Variants in TEAD1 observed in about 807,000 individuals in gnomAD.
TEAD1 encodes the protein TEA domain transcription factor 1.
A neutral mutation model predicts 54.9 loss-of-function variants in TEAD1; 9 were observed. The ratio of observed to expected loss-of-function variants is 0.16; its 90% CI spans 0.10 to 0.29. The LOEUF is 0.29. TEAD1 is among the 10% of genes least tolerant of loss of function. The pLI is 1.00. For missense variants in TEAD1, 387 were observed against 535.9 expected (o/e 0.72, Z 2.74); for synonymous variants, 200 against 187.8 (o/e 1.07, Z -0.53).
intron 9 of TEAD1, among the ~76,000 whole-genome samples, chr11:12,900,013 CAACT>C (rs1362059592): frequency 6.6e-6 from 1 of 152,156 alleles, no homozygotes; most frequent in Non-Finnish European, 1.5e-5. Context: ...GTTTTGTGAC[CAACT>C]GAGTTTGAGA....
intron 3 of TEAD1, among the ~76,000 whole-genome samples, chr11:12,777,891 A>G (rs921433060): frequency 3.9e-5 from 6 of 152,212 alleles, no homozygotes; most frequent in Non-Finnish European, 8.8e-5. Context: ...TGGGTTGAAC[A>G]TACGCATTGT....
At chr11:12,885,968 A>C (rs1948079628) in intron 9 of TEAD1, among the ~76,000 whole-genome samples, 1 of 152,230 alleles carries the variant, frequency 6.6e-6, no homozygotes. Flanking sequence ...GGAGACAGAC[A>C]CGAAACAGAT....
At chr11:12,835,462 A>G (rs1946867445) in intron 3 of TEAD1, among the ~76,000 whole-genome samples, 2 of 150,376 alleles carry the variant, frequency 1.3e-5, no homozygotes. Context: ...GGCTCGTGCC[A>G]GCACACCCGG....
intron 5 of TEAD1, 119 bp from the exon 6 acceptor site, chr11:12,879,589 T>C: frequency 7.8e-7 from 1 of 1,275,990 alleles, no homozygotes; most frequent in Non-Finnish European, 1.1e-6. Flanking sequence ...GCATGTTTGC[T>C]TTTTTTGGCC....
At chr11:12,806,887 A>G (rs951704812) in intron 3 of TEAD1, among the ~76,000 whole-genome samples, 3 of 152,228 alleles carry the variant, frequency 2.0e-5, no homozygotes, top group Non-Finnish European at 2.9e-5. Context: ...GTGCTAAACA[A>G]TCAAACGAAT....
At chr11:12,934,591 A>G (rs1236455625) in intron 12 of TEAD1, among the ~76,000 whole-genome samples, 1 of 151,922 alleles carries the variant, frequency 6.6e-6, no homozygotes, top group Non-Finnish European at 1.5e-5. Flanking sequence ...AAAAGAATGG[A>G]TAGAAAAGAC....
At chr11:12,696,523 A>G (rs1042561724) in intron 2 of TEAD1, among the ~76,000 whole-genome samples, 4 of 152,188 alleles carry the variant, frequency 2.6e-5, no homozygotes, top group Non-Finnish European at 4.4e-5. Flanking sequence ...GAATAGTCTC[A>G]TTTCCTGATG....
intron 3 of TEAD1, among the ~76,000 whole-genome samples, chr11:12,784,711 C>T (rs1168193505): frequency 6.6e-6 from 1 of 152,128 alleles, no homozygotes; most frequent in Admixed American, 6.5e-5. Flanking sequence ...TTCTGTGGCC[C>T]CCTAGGGTGA....
chr11:12,905,350 A>G (rs1375574940), intron 10 of TEAD1, among the ~76,000 whole-genome samples: 2 of 152,226 alleles, frequency 1.3e-5, no homozygotes, highest in East Asian at 1.9e-4. Flanking sequence ...GTGCAAATTT[A>G]GAAACAGTTA....
intron 3 of TEAD1, among the ~76,000 whole-genome samples, chr11:12,773,397 CA>C (rs1206088021): frequency 9.2e-5 from 14 of 152,208 alleles, no homozygotes; most frequent in Admixed American, 9.2e-4. Context: ...TTCTCACCTG[CA>C]ATCTAGTTTC....
At chr11:12,860,948 G>A (rs756281909) in intron 3 of TEAD1, among the ~76,000 whole-genome samples, 39 of 152,190 alleles carry the variant, frequency 2.6e-4, no homozygotes, top group South Asian at 6.2e-4. Context: ...TAGCACAATG[G>A]TCTCAGGCTG....
At chr11:12,814,777 C>CTGTGTGTGTGTGTGTGTGTG (rs397842274) in intron 3 of TEAD1, among the ~76,000 whole-genome samples, 2 of 106,134 alleles carry the variant, frequency 1.9e-5, no homozygotes, top group African/African-American at 6.8e-5. Context: ...TCGCAGAGCT[C>CTGTGTGTGTGTGTGTGTGTG]TGTGTGTGTG....
At chr11:12,683,452 A>G (rs1421050150) in intron 2 of TEAD1, among the ~76,000 whole-genome samples, 1 of 152,164 alleles carries the variant, frequency 6.6e-6, no homozygotes, top group Non-Finnish European at 1.5e-5. Flanking sequence ...CTTATGTAAC[A>G]TCAGAATAAA....
intron 9 of TEAD1, among the ~76,000 whole-genome samples, chr11:12,897,421 AT>A (rs2134122345): frequency 6.6e-6 from 1 of 152,282 alleles, no homozygotes; most frequent in African/African-American, 2.4e-5. Context: ...AGCCTTCTGG[AT>A]TTGGGGACAG....
At chr11:12,861,336 C>A (rs1200716313) in intron 3 of TEAD1, among the ~76,000 whole-genome samples, 1 of 152,124 alleles carries the variant, frequency 6.6e-6, no homozygotes, top group Non-Finnish European at 1.5e-5. Flanking sequence ...TTTGTTTATA[C>A]TTTTGGGCAT....
chr11:12,817,023 A>G (rs1035256124), intron 3 of TEAD1, among the ~76,000 whole-genome samples: 2 of 152,186 alleles, frequency 1.3e-5, no homozygotes, highest in Admixed American at 6.5e-5. Context: ...CACACTGCCC[A>G]ATTGAAATGT....
chr11:12,924,998 C>G lies in TEAD1; in HGVS notation c.960C>G (p.Val320=). The G allele has an allele frequency of 6.2e-7, 1 of 1,614,148 alleles. No individual in the cohort carries two copies. The highest frequency in any genetic ancestry group is 8.5e-7 in the Non-Finnish European group (1 of 1,180,032). Residue 320 remains valine, a synonymous_variant, in exon 11 of 13, where the codon GTC becomes GTG. Coordinates refer to ENST00000527636, the MANE Select transcript of TEAD1 (RefSeq NM_021961.6). ...ACGAGAGTTCTGAAAATATGACAGT[C>G]ACCTGTTCCACCAAAGTTTGCTCCT...
At chr11:12,699,531 A>G (rs1441409463) in intron 2 of TEAD1, among the ~76,000 whole-genome samples, 1 of 152,202 alleles carries the variant, frequency 6.6e-6, no homozygotes, top group African/African-American at 2.4e-5. Flanking sequence ...TTGCAATGGA[A>G]TTTTGAAACT....
chr11:12,743,127 A>T (rs1186781995), intron 2 of TEAD1, among the ~76,000 whole-genome samples: 1 of 152,248 alleles, frequency 6.6e-6, no homozygotes. Context: ...GAAGATAGAC[A>T]AAAACATTTA....
Sources: gnomAD v4.1 joint callset for allele counts (sites outside exome capture counted in the v4.1 genomes callset) on GRCh38, gnomAD v4.1.1 for gene constraint, MANE v1.5 for transcripts, NCBI Gene and HGNC (gene_info 2026-07-23, HGNC 2026-07-21) for gene names.